The following DCUN1D1 variants were observed in gnomAD, a reference collection of about 807,000 sequenced individuals.
DCUN1D1 encodes DCN1-like protein 1.
In DCUN1D1, 3 loss-of-function variants were observed where a neutral mutation model predicts 39.0. The observed-to-expected ratio is 0.08, with a 90% CI of 0.04 to 0.20. The LOEUF is 0.20. Ranked by LOEUF, DCUN1D1 falls within the 10% of genes least tolerant of loss-of-function variation. The pLI is 1.00. For missense variants in DCUN1D1, 158 were observed against 302.4 expected, an observed-to-expected ratio of 0.52 and a Z score of 3.54; for synonymous variants, 82 against 96.3, an observed-to-expected ratio of 0.85 and a Z score of 0.87.
In DCUN1D1 at chr3:182,938,475, T is replaced by C. The variant is rs939364201; in HGVS notation, c.*6619A>G. On this transcript the variant is annotated 3_prime_UTR_variant, in exon 7 of 7. Transcript: ENST00000292782. ...GGTTTTATTTAACAGTCCTTATCTT[T>C]TAGACATACATATTGAAATATTTAC... is the stretch of plus-strand genomic sequence containing the variant. 2.0e-5 allele frequency: 3 copies of C among 152,198 alleles called. No homozygotes were observed. Among genetic ancestry groups the C allele is most frequent in the Admixed American group, 2.0e-4 (3 of 15,280 alleles). 9.4% of individuals were successfully genotyped at this position (152,198 alleles called of 1,614,324 possible).
chr3:182,983,809 A>G (rs978757539), upstream of DCUN1D1, among the ~76,000 whole-genome samples: 2 of 152,194 alleles, frequency 1.3e-5, no homozygotes, highest in East Asian at 1.9e-4. Context: ...TGATTACCAC[A>G]TTATATTTCC....
chr3:182,947,652 T>G lies in DCUN1D1; in HGVS notation c.521-20A>C, dbSNP rs774868184. The G allele has an allele frequency of 7.5e-7, 1 of 1,342,056 alleles. No homozygotes were observed. The allele number at this position is 1,342,056 out of a possible 1,614,324, so 83.1% of individuals were successfully genotyped here. ...CTAGATCTGAAATAGTAAAAATGAA[T>G]TATGTATTTAAATGCTATAAATATT... On this transcript the variant is annotated intron_variant, in intron 4 of 6. Transcript: ENST00000292782.
At chr3:182,964,203 T>C (rs1159765593) in intron 2 of DCUN1D1, among the ~76,000 whole-genome samples, 154 bp from the exon 3 acceptor site, 1 of 152,244 alleles carries the variant, frequency 6.6e-6, no homozygotes, top group Non-Finnish European at 1.5e-5. Context: ...TCCCATTATT[T>C]AAAGCCATTC....
At chr3:182,972,060 T>G (rs1163292994) in intron 1 of DCUN1D1, among the ~76,000 whole-genome samples, 1 of 147,938 alleles carries the variant, frequency 6.8e-6, no homozygotes, top group Non-Finnish European at 1.5e-5. Context: ...GTTTTTTTTT[T>G]TTTTTTTTTT....
chr3:182,961,840 G>A (rs1183528898), intron 3 of DCUN1D1, among the ~76,000 whole-genome samples: 2 of 152,156 alleles, frequency 1.3e-5, no homozygotes, highest in Non-Finnish European at 2.9e-5. Context: ...GTAAACAGGT[G>A]AACCTCCTAC....
In DCUN1D1 at chr3:182,938,259, T is replaced by C. The variant is rs1422402502; in HGVS notation, c.*6835A>G. 6.6e-6 allele frequency: 1 copy of C among 151,724 alleles called. No homozygotes were observed. Among genetic ancestry groups the C allele is most frequent in the African/African-American group, 2.4e-5 (1 of 41,278 alleles). 9.4% of individuals were successfully genotyped at this position (151,724 alleles called of 1,614,324 possible). ...AGCAATCATTGTTTTTTCAAAAAAATGAATTTGAAGCCAAAGAGTGGAGAG... is the reference window on the plus strand; with the variant it reads ...AGCAATCATTGTTTTTTCAAAAAAACGAATTTGAAGCCAAAGAGTGGAGAG... On this transcript the variant is annotated 3_prime_UTR_variant, in exon 7 of 7. Coordinates refer to ENST00000292782, the MANE Select transcript of DCUN1D1 (RefSeq NM_020640.4).
chr3:182,947,339 T>G lies in DCUN1D1; in HGVS notation c.604-5A>C. ...TATTGATCGTTTATGATGTTCCTAT[T>G]TAAAAAACAAAAACAAAATACATTT... On this transcript the variant is annotated splice_polypyrimidine_tract_variant and splice_region_variant and intron_variant, in intron 5 of 6. Coordinates refer to ENST00000292782, the MANE Select transcript of DCUN1D1 (RefSeq NM_020640.4). The G allele has an allele frequency of 6.3e-7, 1 of 1,574,864 alleles. No homozygotes were observed. The highest frequency in any genetic ancestry group is 8.6e-7 in the Non-Finnish European group (1 of 1,158,340).
intron 1 of DCUN1D1, among the ~76,000 whole-genome samples, chr3:182,966,021 T>C (rs1727648779): frequency 6.6e-6 from 1 of 152,106 alleles, no homozygotes; most frequent in South Asian, 2.1e-4. Flanking sequence ...CAGTGGGTCC[T>C]GAGAGCATAC....
chr3:182,953,495 G>A (rs991719205), intron 4 of DCUN1D1, among the ~76,000 whole-genome samples: 31 of 152,244 alleles, frequency 2.0e-4, no homozygotes, highest in African/African-American at 6.7e-4. Context: ...GTGACCTTGG[G>A]CAACTGGGCT....
At position 182,939,310 on chromosome 3, in the gene DCUN1D1, A is replaced by T. The variant is rs2108612358; in HGVS notation, c.*5784T>A. On this transcript the variant is annotated 3_prime_UTR_variant, in exon 7 of 7. Transcript: ENST00000292782. ...TTGGAAAAAGTTCAGCAGTTTTTTT[A>T]AAAACGTTAGGTATAAATTTACCAC... 6.6e-6 allele frequency: 1 copy of T among 152,328 alleles called. No homozygotes were observed. The highest frequency in any genetic ancestry group is 2.4e-5 in the African/African-American group (1 of 41,568). The allele number at this position is 152,328 out of a possible 1,614,324, so 9.4% of individuals were successfully genotyped here.
At chr3:182,970,014 G>C (rs943193815) in intron 1 of DCUN1D1, among the ~76,000 whole-genome samples, 1 of 152,158 alleles carries the variant, frequency 6.6e-6, no homozygotes, top group East Asian at 1.9e-4. Flanking sequence ...AGCACTTTGG[G>C]AGGCGGAGGC....
intron 4 of DCUN1D1, among the ~76,000 whole-genome samples, chr3:182,959,254 G>A (rs1237966168): frequency 6.6e-6 from 1 of 152,086 alleles, no homozygotes; most frequent in Admixed American, 6.5e-5. Context: ...TTATTATTGA[G>A]AATTTCGCTT....
At chr3:182,973,626 G>A (rs1335605671) in intron 1 of DCUN1D1, among the ~76,000 whole-genome samples, 1 of 151,910 alleles carries the variant, frequency 6.6e-6, no homozygotes, top group African/African-American at 2.4e-5. Context: ...GGCCAACATG[G>A]TGAAACCCCG....
chr3:182,960,811 T>C (rs1727340060), intron 4 of DCUN1D1, among the ~76,000 whole-genome samples: 1 of 152,172 alleles, frequency 6.6e-6, no homozygotes, highest in Admixed American at 6.5e-5. Flanking sequence ...AGTTTTCAAA[T>C]AAATCATAAC....
At chr3:182,961,200 C>A in intron 4 of DCUN1D1, 26 bp downstream of exon 4, 1 of 1,424,692 alleles carries the variant, frequency 7.0e-7, no homozygotes, top group Non-Finnish European at 9.6e-7. Context: ...TCTGAAACAC[C>A]AAATATAATT....
chr3:182,977,636 G>A (rs1259855152), intron 1 of DCUN1D1, among the ~76,000 whole-genome samples: 4 of 151,860 alleles, frequency 2.6e-5, no homozygotes, highest in Non-Finnish European at 5.9e-5. Context: ...GGGTTTCACC[G>A]TATTGGCCAG....
At chr3:182,970,055 A>G (rs1475312315) in intron 1 of DCUN1D1, among the ~76,000 whole-genome samples, 2 of 152,120 alleles carry the variant, frequency 1.3e-5, no homozygotes, top group Non-Finnish European at 2.9e-5. Context: ...GGAGTTCAAG[A>G]CTAGTCTGGC....
At chr3:182,956,961 T>C (rs1352310145) in intron 4 of DCUN1D1, among the ~76,000 whole-genome samples, 2 of 152,196 alleles carry the variant, frequency 1.3e-5, no homozygotes, top group Non-Finnish European at 2.9e-5. Flanking sequence ...GGGATAGTAG[T>C]GGGAATAACA....
Position 182,941,598 on chromosome 3 carries a change from TAA to T in DCUN1D1, c.*3494_*3495del, listed in dbSNP as rs1368504547. On this transcript the variant is annotated 3_prime_UTR_variant, in exon 7 of 7. Transcript: ENST00000292782. ...TTTATCATTACATTATCAAATTTGATAAAATCTTATGAAAACATCTAAGTATT... is the reference window on the plus strand; with the variant it reads ...TTTATCATTACATTATCAAATTTGATAATCTTATGAAAACATCTAAGTATT... The T allele has an allele frequency of 6.6e-6, 1 of 152,114 alleles. No individual in the cohort carries two copies. The highest frequency in any genetic ancestry group is 1.5e-5 in the Non-Finnish European group (1 of 67,964). The allele number at this position is 152,114 out of a possible 1,614,324, so 9.4% of individuals were successfully genotyped here.
Sources: allele counts gnomAD v4.1 joint callset (sites outside exome capture counted in the v4.1 genomes callset), GRCh38; gene constraint gnomAD v4.1.1; transcripts MANE v1.5; gene names NCBI Gene and HGNC (gene_info 2026-07-23, HGNC 2026-07-21).